The following DGKQ variants were observed in gnomAD, a reference collection of about 807,000 sequenced individuals.
DGKQ encodes the protein DAG kinase theta.
DGKQ carries 97 observed loss-of-function variants against 104.2 expected under a neutral mutation model. That is an observed-to-expected ratio of 0.93 (90% CI 0.79 to 1.10). The LOEUF (loss-of-function observed/expected upper bound fraction) is 1.10. Ranked by LOEUF, DGKQ falls within the 50% of genes least tolerant of loss-of-function variation. The pLI is 0.00. For synonymous variants in DGKQ, 736 were observed against 595.2 expected (o/e 1.24, Z -3.44); for missense variants, 1,465 against 1,352.1 (o/e 1.08, Z -1.31).
At position 962,426 on chromosome 4, in the gene DGKQ, G is replaced by A. The variant is rs1218509751; in HGVS notation, c.2214+9C>T. The A allele has an allele frequency of 1.9e-6, 3 of 1,560,954 alleles. No individual in the cohort carries two copies. In the Admixed American group the frequency reaches 5.5e-5, roughly 29 times the overall value. ...CCTGGAAGGCACCCCACGCCGGGCT[G>A]CCCTGTACCTTGGGGGGCTCTGCGT... On this transcript the variant is annotated intron_variant, in intron 18 of 22. Transcript: ENST00000273814.
chr4:969,012 C>T lies in DGKQ; in HGVS notation c.352-102G>A. ...CGCAACTCTGCAGCTCACGCTCCTG[C>T]TGAGAACTGCCCAGGCTGAGCCAGC... On this transcript the variant is annotated intron_variant, in intron 2 of 22. Transcript: ENST00000273814. 2.6e-6 allele frequency: 2 copies of T among 757,272 alleles called. 1 individual carries two copies. The highest frequency in any genetic ancestry group is 3.9e-5 in the South Asian group (2 of 51,310). 46.9% of individuals were successfully genotyped at this position (757,272 alleles called of 1,614,324 possible).
chr4:966,551 G>A (rs572336065), intron 11 of DGKQ, 24 bp from the exon 12 acceptor site: 128 of 1,605,744 alleles, frequency 8.0e-5, no homozygotes, highest in Admixed American at 2.7e-4. Context: ...GGCACAGGCC[G>A]TCAGCACCCG....
chr4:961,758 G>T lies in DGKQ; in HGVS notation c.2392C>A (p.Arg798=). 1 of 1,612,490 alleles carries T rather than the reference G, an allele frequency of 6.2e-7. No homozygotes were observed. Among genetic ancestry groups the T allele is most frequent in the South Asian group, 1.1e-5 (1 of 91,052 alleles). The change falls in exon 20 of 23, where the codon CGG becomes AGG. Residue 798 remains arginine (R), a synonymous_variant. Transcript: ENST00000273814. ...ACCTCCTGCCGCTCCACCTGCAGCC[G>T]GATCTGCTTGTGCAGGCTCCGAGAG... is the stretch of plus-strand genomic sequence containing the variant. ...SHSRSLHKQI[R]LQVERQEVEL...
chr4:969,296 G>A (rs1171631361), intron 2 of DGKQ, among the ~76,000 whole-genome samples: 2 of 152,232 alleles, frequency 1.3e-5, no homozygotes, highest in Non-Finnish European at 2.9e-5. Flanking sequence ...CCCTCCTTGG[G>A]GCAGGCGAGG....
Position 960,720 on chromosome 4 carries a change from A to G in DGKQ, c.2729T>C (p.Val910Ala), listed in dbSNP as rs1462654800. ...HMIISAAGPK[V>A]HMLRKAKQKP... ...CTGCTTGGCCTTCCTCAGCATGTGC[A>G]CCTGTCCCAGGGCAGGGGACAGAGG... The change falls in exon 23 of 23, where the codon GTG becomes GCG. Residue 910 changes from valine to alanine, a missense_variant and splice_region_variant. Transcript: ENST00000273814. 5.0e-6 allele frequency: 8 copies of G among 1,611,432 alleles called. No homozygotes were observed. The highest frequency in any genetic ancestry group is 1.3e-5 in the African/African-American group (1 of 74,764).
intron 13 of DGKQ, 73 bp downstream of exon 13, chr4:965,855 C>T (rs1712274568): frequency 2.1e-6 from 3 of 1,455,510 alleles, no homozygotes; most frequent in Non-Finnish European, 2.8e-6. Context: ...GCCGGCTCAG[C>T]ACTGCAGCCC....
rs777360834 is a variant in DGKQ at position 960,680 on chromosome 4, G to C, written c.2769C>G (p.Ala923=). 6.2e-7 allele frequency: 1 copy of C among 1,612,254 alleles called. No homozygotes were observed. Among genetic ancestry groups the C allele is most frequent in the South Asian group, 1.1e-5 (1 of 91,082 alleles). The part of the protein sequence containing the change: ...LRKAKQKPRR[A]GTTRDARADA... The stretch of plus-strand genomic sequence containing the variant: ...CCGCCCGGGCATCCCTGGTGGTCCC[G>C]GCCCTCCTCGGCTTCTGCTTGGCCT... The change falls in exon 23 of 23, where the codon GCC becomes GCG. Residue 923 remains alanine (A), a synonymous_variant. Transcript: ENST00000273814.
chr4:960,643 C>T lies in DGKQ; in HGVS notation c.2806G>A (p.Ala936Thr). The change falls in exon 23 of 23, where the codon GCC (alanine) becomes ACC (threonine). Residue 936 changes from alanine to threonine, a missense_variant. Transcript: ENST00000273814. ...CCCTACCTAGGATCGCTCTCAGGGG[C>T]AGGCGCAGCATCCGCCCGGGCATCC... ...TRDARADAAP[A>T]PESDPR is the part of the protein sequence containing the mutation. 1.2e-6 allele frequency: 2 copies of T among 1,612,046 alleles called. No individual in the cohort carries two copies. The highest frequency in any genetic ancestry group is 1.7e-6 in the Non-Finnish European group (2 of 1,179,782).
rs1420308187 is a variant in DGKQ, at chr4:968,563, C to T, written c.453G>A (p.Val151=). The T allele has an allele frequency of 1.9e-6, 3 of 1,605,764 alleles. No individual in the cohort carries two copies. Among genetic ancestry groups the T allele is most frequent in the Non-Finnish European group, 2.5e-6 (3 of 1,176,530 alleles). Residue 151 remains valine, a splice_region_variant and synonymous_variant, in exon 4 of 23, where the codon GTG becomes GTA. Coordinates refer to ENST00000273814, the MANE Select transcript of DGKQ (RefSeq NM_001347.4). ...AGTCTGGGTGGAGGTGCAGCTCACA[C>T]ACTGGGGGGCAGGCAGGGTTAGAGG... ...VLEAPALHCE[V]CELHLHPDCV... is the part of the protein sequence containing the mutation.
Position 963,191 on chromosome 4 carries a change from G to A in DGKQ, c.1834C>T (p.Leu612=), listed in dbSNP as rs1396467318. The change falls in exon 16 of 23, where the codon CTA becomes TTA. Residue 612 remains leucine (L), a synonymous_variant. Transcript: ENST00000273814. The stretch of plus-strand genomic sequence containing the variant: ...TCGAAGACCTGATGAGGGTTCAGTA[G>A]CTTCCGGAAGCTGCAGAGCAGGTCT... ...GRDLLCSFRK[L]LNPHQVFDLT... 1 of 1,611,054 alleles carries A rather than the reference G, an allele frequency of 6.2e-7. No homozygotes were observed. The highest frequency in any genetic ancestry group is 2.2e-5 in the East Asian group (1 of 44,800).
Position 961,205 on chromosome 4 carries a change from G to T in DGKQ, c.2575-4C>A. ...GCAGCCCACCCTGGACCTGGCCCTG[G>T]GGCGGGAGAGGCCAGCCGGGCTCAG... On this transcript the variant is annotated splice_region_variant and splice_polypyrimidine_tract_variant and intron_variant, in intron 21 of 22. Transcript: ENST00000273814. 6.5e-7 allele frequency: 1 copy of T among 1,546,930 alleles called. No homozygotes were observed. The highest frequency in any genetic ancestry group is 8.7e-7 in the Non-Finnish European group (1 of 1,148,294).
intron 5 of DGKQ, 28 bp downstream of exon 5, chr4:968,254 C>T (rs1712607158): frequency 1.6e-6 from 2 of 1,244,796 alleles, no homozygotes; most frequent in Admixed American, 2.5e-5. Flanking sequence ...CTGCCCCACC[C>T]CCACCCCCTC....
chr4:972,745 AGCTG>A, intron 1 of DGKQ, among the ~76,000 whole-genome samples: 1 of 152,296 alleles, frequency 6.6e-6, no homozygotes, highest in African/African-American at 2.4e-5. Context: ...CCCCAGCAAG[AGCTG>A]GGCAGCTGGG....
intron 22 of DGKQ, 133 bp downstream of exon 22, chr4:960,916 C>T: frequency 6.7e-7 from 1 of 1,500,260 alleles, no homozygotes; most frequent in Non-Finnish European, 8.9e-7. Flanking sequence ...TCCTCTGAAG[C>T]AGGCACCCTC....
chr4:960,852 C>G, intron 22 of DGKQ, 131 bp from the exon 23 acceptor site: 1 of 1,481,032 alleles, frequency 6.8e-7, no homozygotes, highest in East Asian at 2.5e-5. Context: ...GGGGAGGGAC[C>G]TGTCTGGCTG....
chr4:965,961 T>C lies in DGKQ; in HGVS notation c.1546A>G (p.Ser516Gly). ...GCCCCGGCCTCATGCAGCAGGCTGC[T>C]GTACTCCTCGGGAGACAGGCCGGGA... ...LPPGLSPEEY[S>G]SLLHEAGATK... is the part of the protein sequence containing the mutation. The change falls in exon 13 of 23, where the codon AGC becomes GGC. Residue 516 changes from serine to glycine, a missense_variant. Physicochemically the swap from Ser to Gly is moderately conservative, Grantham distance 56. Coordinates refer to ENST00000273814, the MANE Select transcript of DGKQ (RefSeq NM_001347.4). 4 of 1,605,448 alleles carry C rather than the reference T, an allele frequency of 2.5e-6. No individual in the cohort carries two copies. The highest frequency in any genetic ancestry group is 2.2e-5 in the South Asian group (2 of 89,574).
chr4:966,019 G>T lies in DGKQ; in HGVS notation c.1488C>A (p.Ala496=), dbSNP rs1403319416. The T allele has an allele frequency of 6.2e-7, 1 of 1,605,216 alleles. No homozygotes were observed. The highest frequency in any genetic ancestry group is 8.5e-7 in the Non-Finnish European group (1 of 1,176,942). ...RFYVAESRDV[A]PHVSLFVGGL... is the part of the protein sequence containing the mutation. ...CGCCAACAAACAGGGAGACGTGCGGGGCTACATCCCTGCTCTCTGCCACGT... is the reference window on the plus strand; with the variant it reads ...CGCCAACAAACAGGGAGACGTGCGGTGCTACATCCCTGCTCTCTGCCACGT... Residue 496 remains alanine (A), a synonymous_variant, in exon 13 of 23, where the codon GCC becomes GCA. Coordinates refer to ENST00000273814, the MANE Select transcript of DGKQ (RefSeq NM_001347.4).
intron 3 of DGKQ, 97 bp from the exon 4 acceptor site, chr4:968,661 T>C (rs945404446): frequency 2.2e-6 from 3 of 1,380,724 alleles, no homozygotes; most frequent in Non-Finnish European, 2.0e-6. Flanking sequence ...CCTAGCACCC[T>C]GCATCCTTTA....
At chr4:960,831 A>G in intron 22 of DGKQ, 110 bp from the exon 23 acceptor site, 1 of 1,504,590 alleles carries the variant, frequency 6.6e-7, no homozygotes, top group Non-Finnish European at 8.9e-7. Context: ...TCTCAGCCCC[A>G]TTTCACGGAA....
Sources: allele counts gnomAD v4.1 joint callset (sites outside exome capture counted in the v4.1 genomes callset), GRCh38; gene constraint gnomAD v4.1.1; transcripts MANE v1.5; gene names NCBI Gene and HGNC (gene_info 2026-07-23, HGNC 2026-07-21).